The following MRRF variants were observed in gnomAD, a reference collection of about 807,000 sequenced individuals.
MRRF encodes the protein mitochondrial ribosome recycling factor.
In MRRF, 18 loss-of-function variants were observed where a neutral mutation model predicts 25.1. The ratio of observed to expected loss-of-function variants is 0.72; its 90% CI spans 0.50 to 1.06. The LOEUF is 1.06. Among genes scored for constraint, MRRF ranks in the 50% least tolerant of loss-of-function variants. MRRF has a pLI of 0.00. For synonymous variants in MRRF, 113 were observed against 112.1 expected, an observed-to-expected ratio of 1.01 and a Z score of -0.05; for missense variants, 323 against 319.3, an observed-to-expected ratio of 1.01 and a Z score of -0.09.
intron 5 of MRRF, among the ~76,000 whole-genome samples, chr9:122,305,114 T>A (rs891522278): frequency 2.6e-5 from 4 of 151,944 alleles, no homozygotes; most frequent in African/African-American, 9.7e-5. Flanking sequence ...GCTAATTTTT[T>A]AAAAAAACCT....
chr9:122,297,288 G>A (rs954412495), intron 5 of MRRF, among the ~76,000 whole-genome samples: 16 of 152,144 alleles, frequency 1.1e-4, no homozygotes, highest in African/African-American at 3.6e-4. Context: ...CAACCTGGGC[G>A]ACCAAGTGAG....
rs1449623732 is a variant in MRRF at position 122,325,534 on chromosome 9, C to A, written c.*2917C>A. On this transcript the variant is annotated 3_prime_UTR_variant, in exon 7 of 7. Coordinates refer to ENST00000344641, the MANE Select transcript of MRRF (RefSeq NM_138777.5). ...CTGGGTATGGAAATTCTCACACTTG[C>A]CAGAAGAATTAACCACCTCTTCTAT... 1.3e-5 allele frequency: 2 copies of A among 151,914 alleles called. No homozygotes were observed. The highest frequency in any genetic ancestry group is 4.8e-5 in the African/African-American group (2 of 41,354). The allele number at this position is 151,914 out of a possible 1,614,324, so 9.4% of individuals were successfully genotyped here.
At chr9:122,274,216 G>A (rs1389283955) in intron 2 of MRRF, among the ~76,000 whole-genome samples, 1 of 152,168 alleles carries the variant, frequency 6.6e-6, no homozygotes, top group African/African-American at 2.4e-5. Flanking sequence ...TGTATGTGGA[G>A]AAATCATATT....
At chr9:122,269,092 G>C (rs1832292437) in intron 1 of MRRF, among the ~76,000 whole-genome samples, 1 of 151,846 alleles carries the variant, frequency 6.6e-6, no homozygotes, top group Non-Finnish European at 1.5e-5. Context: ...CGTGTACCCG[G>C]GAGGCGGAGC....
chr9:122,326,434 G>A lies in MRRF; in HGVS notation c.*3817G>A, dbSNP rs990826379. ...CCATATAATTTTTTAGAAGGAGAGA[G>A]GGGAACTATTCATATTCTGATGTTT... On this transcript the variant is annotated 3_prime_UTR_variant, in exon 7 of 7. Coordinates refer to ENST00000344641, the MANE Select transcript of MRRF (RefSeq NM_138777.5). The A allele has an allele frequency of 2.6e-5, 4 of 151,934 alleles. No homozygotes were observed. The highest frequency in any genetic ancestry group is 2.9e-5 in the Non-Finnish European group (2 of 67,962). 9.4% of individuals were successfully genotyped at this position (151,934 alleles called of 1,614,324 possible).
chr9:122,316,605 GGT>G (rs113434723), intron 6 of MRRF, among the ~76,000 whole-genome samples: 4 of 150,664 alleles, frequency 2.7e-5, no homozygotes, highest in Admixed American at 1.3e-4. Flanking sequence ...TGGAATTTTT[GGT>G]GTGTGTGTGT....
chr9:122,286,914 C>T (rs560703951), intron 4 of MRRF, among the ~76,000 whole-genome samples: 2 of 152,268 alleles, frequency 1.3e-5, no homozygotes, highest in South Asian at 4.1e-4. Context: ...TTTTGCCAGT[C>T]TTGTGCCACT....
At chr9:122,287,485 G>A (rs73555245) in intron 4 of MRRF, among the ~76,000 whole-genome samples, 4,353 of 152,244 alleles carry the variant, frequency 0.029, 189 homozygotes, top group African/African-American at 0.094. Flanking sequence ...ATCTAATCCC[G>A]TAGGCACTGT....
At chr9:122,321,699 T>C (rs1339898474) in intron 6 of MRRF, among the ~76,000 whole-genome samples, 2 of 152,206 alleles carry the variant, frequency 1.3e-5, no homozygotes, top group African/African-American at 4.8e-5. Flanking sequence ...ATTTCTTTGA[T>C]GTCTATTTTC....
intron 2 of MRRF, among the ~76,000 whole-genome samples, chr9:122,275,721 T>C (rs1588011995): frequency 1.3e-5 from 2 of 152,298 alleles, no homozygotes; most frequent in East Asian, 3.9e-4. Context: ...CTTATTTTGC[T>C]TAGTGTAATG....
chr9:122,270,924 C>T lies in MRRF; in HGVS notation c.33C>T (p.Val11=), dbSNP rs1832407725. The T allele has an allele frequency of 1.9e-6, 3 of 1,614,014 alleles. No individual in the cohort carries two copies. Among genetic ancestry groups the T allele is most frequent in the African/African-American group, 1.3e-5 (1 of 74,920 alleles). Residue 11 remains valine (V), a synonymous_variant, in exon 2 of 7, where the codon GTC becomes GTT. Coordinates refer to ENST00000344641, the MANE Select transcript of MRRF (RefSeq NM_138777.5). ...TGGGATTAAAGTGCTTCCGCATGGTCCACCCTACCTTTCGCAATTATCTTG... is the reference window on the plus strand; with the variant it reads ...TGGGATTAAAGTGCTTCCGCATGGTTCACCCTACCTTTCGCAATTATCTTG... MALGLKCFRM[V]HPTFRNYLAA... is the part of the protein sequence containing the mutation.
intron 6 of MRRF, among the ~76,000 whole-genome samples, chr9:122,314,116 A>C (rs1479411109): frequency 6.6e-6 from 1 of 152,162 alleles, no homozygotes; most frequent in Admixed American, 6.5e-5. Flanking sequence ...TGGCCACAAT[A>C]ATGGTACATA....
intron 5 of MRRF, among the ~76,000 whole-genome samples, chr9:122,296,407 G>A (rs930395094): frequency 1.3e-5 from 2 of 152,138 alleles, no homozygotes; most frequent in African/African-American, 4.8e-5. Flanking sequence ...GAGGTATAAT[G>A]CCTGGAAGTG....
In MRRF at chr9:122,264,929, G is replaced by A. The variant is rs751969199; in HGVS notation, c.-38G>A. The A allele has an allele frequency of 2.0e-5, 3 of 153,224 alleles. No individual in the cohort carries two copies. Among genetic ancestry groups the A allele is most frequent in the Non-Finnish European group, 4.4e-5 (3 of 68,140 alleles). The allele number at this position is 153,224 out of a possible 1,614,324, so 9.5% of individuals were successfully genotyped here. A position where few individuals can be genotyped will look rare whatever the true frequency, so the allele number is the denominator to read the frequency against. On this transcript the variant is annotated 5_prime_UTR_variant, in exon 1 of 7. Transcript: ENST00000344641. ...CACGAGTCTTTCCTTAGTAACCTGG[G>A]CGATAGCTGGTGAGTGTCCTTGACA...
intron 1 of MRRF, among the ~76,000 whole-genome samples, chr9:122,268,208 G>A (rs776997006): frequency 6.6e-6 from 1 of 152,182 alleles, no homozygotes; most frequent in East Asian, 1.9e-4. Flanking sequence ...GCATTTCAGC[G>A]ATGTGGTTTA....
At chr9:122,314,927 C>T (rs1835420174) in intron 6 of MRRF, among the ~76,000 whole-genome samples, 1 of 152,110 alleles carries the variant, frequency 6.6e-6, no homozygotes, top group Non-Finnish European at 1.5e-5. Flanking sequence ...GGAGATTGAA[C>T]AGGCATGTGG....
At chr9:122,314,189 G>A (rs1320607086) in intron 6 of MRRF, among the ~76,000 whole-genome samples, 1 of 152,132 alleles carries the variant, frequency 6.6e-6, no homozygotes, top group East Asian at 1.9e-4. Context: ...ATTTCCATGG[G>A]CCAGCTGGGG....
In MRRF at chr9:122,266,870, G is replaced by A. The variant is rs530683832; in HGVS notation, c.-29+1932G>A. The stretch of plus-strand genomic sequence containing the variant: ...GGGCGGATCACGAGGTCAGGGGGTC[G>A]AGACCATCCTGGCTAACACGGTGAA... On this transcript the variant is annotated intron_variant, in intron 1 of 6. Transcript: ENST00000344641. Among the ~76,000 whole-genome samples the A allele has an allele frequency of 5.3e-5, 8 of 151,178 alleles. No homozygotes were observed. In the East Asian group the frequency reaches 9.8e-4, roughly 19 times the overall value.
chr9:122,293,783 C>T lies in MRRF; in HGVS notation c.551+1943C>T, dbSNP rs544199519. Among the ~76,000 whole-genome samples, 4 of 152,278 alleles carry T rather than the reference C, an allele frequency of 2.6e-5. No individual in the cohort carries two copies. The South Asian group carries it at 6.2e-4, about 24-fold the overall frequency. The stretch of plus-strand genomic sequence containing the variant: ...ACGTGATGTATGCCTTCATGGAGCT[C>T]ACAGGCTGTGTGCCAGGCCTCTTGT... On this transcript the variant is annotated intron_variant, in intron 5 of 6. Coordinates refer to ENST00000344641, the MANE Select transcript of MRRF (RefSeq NM_138777.5).
Sources: gnomAD v4.1 joint callset for allele counts (sites outside exome capture counted in the v4.1 genomes callset) on GRCh38, gnomAD v4.1.1 for gene constraint, MANE v1.5 for transcripts, NCBI Gene and HGNC (gene_info 2026-07-23, HGNC 2026-07-21) for gene names.